Variants in MEIS1 observed in about 807,000 individuals in gnomAD.
MEIS1 encodes Meis homeobox 1.
A neutral mutation model predicts 50.8 loss-of-function variants in MEIS1; 5 were observed. The ratio of observed to expected loss-of-function variants is 0.10; its 90% CI spans 0.05 to 0.21. The LOEUF (loss-of-function observed/expected upper bound fraction) is 0.21, where lower values mean the gene tolerates loss of function less well. Ranked by LOEUF, MEIS1 falls within the 10% of genes least tolerant of loss-of-function variation. The pLI, the probability that MEIS1 is intolerant of heterozygous loss-of-function variation, is 1.00. For missense variants in MEIS1, 318 were observed against 517.3 expected (o/e 0.61, Z 3.74); for synonymous variants, 176 against 179.3 (o/e 0.98, Z 0.15).
chr2:66,440,647 C>A (rs1202343119), intron 4 of MEIS1, 35 bp downstream of exon 4: 3 of 1,412,054 alleles, frequency 2.1e-6, no homozygotes, highest in Non-Finnish European at 2.9e-6. Flanking sequence ...CCCCCGCCCC[C>A]GACCCCCTAC....
Position 66,555,280 on chromosome 2 carries a change from C to CT in MEIS1, c.965+7261_965+7262insT, listed in dbSNP as rs10695722. 2.5e-3 allele frequency among the ~76,000 whole-genome samples: 335 copies of CT among 133,764 alleles called. 4 individuals carry two copies. Among genetic ancestry groups the CT allele is most frequent in the South Asian group, 6.2e-3 (23 of 3,706 alleles). The allele number at this position is 133,764 out of a possible 152,430, so 87.8% of individuals were successfully genotyped here. A position where few individuals can be genotyped will look rare whatever the true frequency, so the allele number is the denominator to read the frequency against. On this transcript the variant is annotated intron_variant, in intron 9 of 12. Coordinates refer to ENST00000272369, the MANE Select transcript of MEIS1 (RefSeq NM_002398.3). ...TCTCTCTCTCTCTCTCTCTCTCTCT[C>CT]GTCTCTCTCCACCCCCCAAACCCCC...
intron 5 of MEIS1, 113 bp from the exon 6 acceptor site, chr2:66,442,787 CTG>C (rs1573122149): frequency 1.0e-6 from 1 of 987,710 alleles, no homozygotes; most frequent in Non-Finnish European, 1.5e-6. Context: ...GACAATTGCC[CTG>C]TGTTTCCCCT....
intron 9 of MEIS1, among the ~76,000 whole-genome samples, chr2:66,551,542 G>C (rs1674922428): frequency 6.6e-6 from 1 of 152,114 alleles, no homozygotes; most frequent in Non-Finnish European, 1.5e-5. Context: ...AAATTTATTA[G>C]ATGTGACATT....
Position 66,545,155 on chromosome 2 carries a change from A to G in MEIS1, c.889-2788A>G, listed in dbSNP as rs1480178991. Among the ~76,000 whole-genome samples the G allele has an allele frequency of 3.9e-5, 6 of 152,312 alleles. No individual in the cohort carries two copies. In the Middle Eastern group the frequency reaches 0.014, roughly 345 times the overall value. ...GTTCTGGTCATAATATTAAGACATA[A>G]CTAATAAGACAGGGCAAAAGGTTTT... On this transcript the variant is annotated intron_variant, in intron 8 of 12. Transcript: ENST00000272369.
intron 9 of MEIS1, among the ~76,000 whole-genome samples, chr2:66,548,663 A>G (rs965034539): frequency 2.0e-5 from 3 of 152,224 alleles, no homozygotes; most frequent in African/African-American, 7.2e-5. Context: ...CAGTGTGGCA[A>G]TGAGGCTTTG....
intron 7 of MEIS1, among the ~76,000 whole-genome samples, chr2:66,488,442 G>T (rs897193878): frequency 1.3e-5 from 2 of 152,176 alleles, no homozygotes; most frequent in South Asian, 4.1e-4. Context: ...ACTTTGGGAG[G>T]CTGAGGCAGG....
chr2:66,473,412 A>ATG lies in MEIS1; in HGVS notation c.742+9193_742+9194insGT, dbSNP rs1470946533. ...AAAAAAAAAAAATATATATATATAT[A>ATG]TATATAGTAATATAAGTGCTCTGTT... On this transcript the variant is annotated intron_variant, in intron 7 of 12. Transcript: ENST00000272369. Among the ~76,000 whole-genome samples, 527 of 142,020 alleles carry ATG rather than the reference A, an allele frequency of 3.7e-3. 14 individuals carry two copies. Among genetic ancestry groups the ATG allele is most frequent in the African/African-American group, 0.014 (493 of 36,244 alleles). The allele number at this position is 142,020 out of a possible 152,430, so 93.2% of individuals were successfully genotyped here.
chr2:66,550,512 TTTTG>T, intron 9 of MEIS1, among the ~76,000 whole-genome samples: 1 of 125,924 alleles, frequency 7.9e-6, no homozygotes, highest in Non-Finnish European at 1.7e-5. Flanking sequence ...TTTTGTTTTG[TTTTG>T]ATACCGAGTC....
At chr2:66,467,200 A>G (rs1251314081) in intron 7 of MEIS1, among the ~76,000 whole-genome samples, 1 of 152,188 alleles carries the variant, frequency 6.6e-6, no homozygotes, top group Non-Finnish European at 1.5e-5. Context: ...AGCTTCAGCA[A>G]TTTGGGGAAT....
At chr2:66,473,111 G>T (rs943704218) in intron 7 of MEIS1, among the ~76,000 whole-genome samples, 2 of 151,976 alleles carry the variant, frequency 1.3e-5, no homozygotes, top group Admixed American at 1.3e-4. Context: ...GGGCGCGGTG[G>T]CTCATGCCTG....
rs536578877 is a variant in MEIS1 at position 66,492,227 on chromosome 2, C to G, written c.743-19922C>G. On this transcript the variant is annotated intron_variant, in intron 7 of 12. Transcript: ENST00000272369. ...AAGAACAGATGAGACAGACAGCTGA[C>G]CAGGCAGCCATGAACCTTTCCGTCT... 2.0e-5 allele frequency among the ~76,000 whole-genome samples: 3 copies of G among 151,878 alleles called. 1 individual carries two copies. Among genetic ancestry groups the G allele is most frequent in the Admixed American group, 2.0e-4 (3 of 15,244 alleles).
chr2:66,569,378 T>C (rs1425958459), intron 12 of MEIS1: 3 of 294,566 alleles, frequency 1.0e-5, no homozygotes, highest in Non-Finnish European at 1.9e-5. Context: ...ACTGACCACA[T>C]GACAAAACAA....
At chr2:66,530,822 G>C (rs1028313571) in intron 8 of MEIS1, among the ~76,000 whole-genome samples, 1 of 152,198 alleles carries the variant, frequency 6.6e-6, no homozygotes, top group African/African-American at 2.4e-5. Context: ...TGCATTAAAG[G>C]TTTTATCTCA....
Position 66,437,678 on chromosome 2 carries a change from G to C in MEIS1, c.13-59G>C, listed in dbSNP as rs115907637. On this transcript the variant is annotated intron_variant, in intron 1 of 12. Transcript: ENST00000272369. Reference sequence around the variant, plus strand: ...CCTTATATAAGCTCGGTGCCTTGCCGTTCTCCCATTTGCCCGCCTGGCCTC... The same window carrying C: ...CCTTATATAAGCTCGGTGCCTTGCCCTTCTCCCATTTGCCCGCCTGGCCTC... The C allele has an allele frequency of 3.9e-3, 5,904 of 1,519,622 alleles. 29 individuals are homozygous for C. The highest frequency in any genetic ancestry group is 0.018 in the Admixed American group (1,052 of 57,226). 94.1% of individuals were successfully genotyped at this position (1,519,622 alleles called of 1,614,324 possible).
Position 66,571,332 on chromosome 2 carries a change from A to T in MEIS1, c.*124A>T, listed in dbSNP as rs1474850002. ...ACAGCCAAGTTATACCCAACCCCAG[A>T]TGCCCCCCCATCCTGCTCAGCTGCG... On this transcript the variant is annotated 3_prime_UTR_variant, in exon 13 of 13. Coordinates refer to ENST00000272369, the MANE Select transcript of MEIS1 (RefSeq NM_002398.3). 6.3e-7 allele frequency: 1 copy of T among 1,598,362 alleles called. No individual in the cohort carries two copies. The highest frequency in any genetic ancestry group is 2.3e-5 in the East Asian group (1 of 44,152).
intron 8 of MEIS1, among the ~76,000 whole-genome samples, chr2:66,537,115 G>A (rs1674540500): frequency 1.3e-5 from 2 of 152,150 alleles, no homozygotes; most frequent in African/African-American, 4.8e-5. Context: ...TTCAATCCAC[G>A]TCCCTGTAGA....
Position 66,435,540 on chromosome 2 carries a change from C to G in MEIS1, c.-317C>G. On this transcript the variant is annotated 5_prime_UTR_variant, in exon 1 of 13. Coordinates refer to ENST00000272369, the MANE Select transcript of MEIS1 (RefSeq NM_002398.3). ...GGGTCTGAGGGGCGCTCTTTTTTTT[C>G]CTTTTCTTTCTTTCTTTCTTTTTTT... 217 of 340,618 alleles carry G rather than the reference C, an allele frequency of 6.4e-4. No individual in the cohort carries two copies. The highest frequency in any genetic ancestry group is 3.2e-3 in the Middle Eastern group (4 of 1,268). 21.1% of individuals were successfully genotyped at this position (340,618 alleles called of 1,614,324 possible). A position where few individuals can be genotyped will look rare whatever the true frequency, so the allele number is the denominator to read the frequency against.
chr2:66,568,966 G>GT (rs570484439), intron 11 of MEIS1, 84 bp from the exon 12 acceptor site: 98,000 of 932,520 alleles, frequency 0.11, 160 homozygotes, highest in South Asian at 0.16. Flanking sequence ...TCTAGATCCT[G>GT]TTTTTTTTTT....
intron 8 of MEIS1, among the ~76,000 whole-genome samples, chr2:66,535,576 G>T (rs1485523794): frequency 6.6e-6 from 1 of 152,160 alleles, no homozygotes; most frequent in Non-Finnish European, 1.5e-5. Flanking sequence ...AGCCCAGTTA[G>T]ATTTAATGAG....
Sources: gnomAD v4.1 joint callset for allele counts (sites outside exome capture counted in the v4.1 genomes callset) on GRCh38, gnomAD v4.1.1 for gene constraint, MANE v1.5 for transcripts, NCBI Gene and HGNC (gene_info 2026-07-23, HGNC 2026-07-21) for gene names.